TP63: variants seen among roughly 807,000 people sequenced by gnomAD.
TP63 encodes tumor protein 63.
Under a neutral mutation model 82.8 loss-of-function variants are expected in TP63, and 17 were observed. The ratio of observed to expected loss-of-function variants is 0.21; its 90% CI spans 0.14 to 0.31. TP63 has a LOEUF of 0.31. Among genes scored for constraint, TP63 ranks in the 10% least tolerant of loss-of-function variants. The probability of loss-of-function intolerance (pLI) is 1.00; values close to 1 mark genes in which losing one functional copy is unlikely to be tolerated. For missense variants in TP63, 648 were observed against 895.3 expected (o/e 0.72, Z 3.52); for synonymous variants, 330 against 321.7 (o/e 1.03, Z -0.28).
chr3:189,831,741 G>T (rs1382777132), intron 4 of TP63, among the ~76,000 whole-genome samples: 1 of 149,716 alleles, frequency 6.7e-6, no homozygotes, highest in African/African-American at 2.5e-5. Context: ...TAAGTAGTAG[G>T]TTTTGATTTA....
chr3:189,605,950 T>C, the TP63 span, among the ~76,000 whole-genome samples: 1 of 152,168 alleles, frequency 6.6e-6, no homozygotes, highest in Admixed American at 6.5e-5. Context: ...ACTGACCCAA[T>C]GTAAGACAAC....
intron 1 of TP63, among the ~76,000 whole-genome samples, chr3:189,733,472 T>A (rs1299028824): frequency 6.6e-6 from 1 of 152,240 alleles, no homozygotes; most frequent in East Asian, 1.9e-4. Context: ...TGTGTGGTGA[T>A]GTTTACCTTC....
chr3:189,755,556 A>C (rs1369532982), intron 3 of TP63, among the ~76,000 whole-genome samples: 2 of 152,246 alleles, frequency 1.3e-5, no homozygotes, highest in Non-Finnish European at 1.5e-5. Flanking sequence ...ATTATATTTT[A>C]TTGTGTACAT....
intron 3 of TP63, among the ~76,000 whole-genome samples, chr3:189,775,109 C>T (rs1426529135): frequency 2.0e-5 from 3 of 151,438 alleles, no homozygotes; most frequent in Non-Finnish European, 4.4e-5. Flanking sequence ...AGTCCCAGCT[C>T]CTTGGGAGGC....
At chr3:189,849,305 A>G (rs1715334713) in intron 4 of TP63, among the ~76,000 whole-genome samples, 1 of 152,156 alleles carries the variant, frequency 6.6e-6, no homozygotes, top group Non-Finnish European at 1.5e-5. Context: ...TGGAAAACCC[A>G]ATTTGAAGCT....
intron 10 of TP63, chr3:189,881,017 C>T: frequency 6.1e-6 from 6 of 985,242 alleles, no homozygotes; most frequent in Non-Finnish European, 7.2e-6. Context: ...GTAATATTGC[C>T]CTTACGTAGT....
At chr3:189,672,795 T>C (rs1372806433) in intron 1 of TP63, among the ~76,000 whole-genome samples, 1 of 151,912 alleles carries the variant, frequency 6.6e-6, no homozygotes, top group Admixed American at 6.6e-5. Context: ...AATTCAACCA[T>C]AGAGAATTAA....
At chr3:189,865,521 G>A (rs920749935) in intron 5 of TP63, among the ~76,000 whole-genome samples, 1 of 152,088 alleles carries the variant, frequency 6.6e-6, no homozygotes, top group African/African-American at 2.4e-5. Flanking sequence ...TCCTCAAAGA[G>A]TATTGAGGGT....
chr3:189,892,826 G>A lies in TP63; in HGVS notation c.1747-1380G>A, dbSNP rs551210077. Among the ~76,000 whole-genome samples, 5 of 152,178 alleles carry A rather than the reference G, an allele frequency of 3.3e-5. No homozygotes were observed. In the South Asian group the frequency reaches 1.0e-3, roughly 32 times the overall value. On this transcript the variant is annotated intron_variant, in intron 13 of 13. Coordinates refer to ENST00000264731, the MANE Select transcript of TP63 (RefSeq NM_003722.5). Reference sequence around the variant, plus strand: ...TAAAAAAAGCTATGCTTATTTTTTTGTGGATTACCTTCTTTATAAGGTATT... The same window carrying A: ...TAAAAAAAGCTATGCTTATTTTTTTATGGATTACCTTCTTTATAAGGTATT...
intron 1 of TP63, among the ~76,000 whole-genome samples, chr3:189,725,932 G>A (rs1223786191): frequency 6.6e-6 from 1 of 152,064 alleles, no homozygotes; most frequent in African/African-American, 2.4e-5. Context: ...GCACGCACCT[G>A]TAATCCCAGC....
intron 4 of TP63, among the ~76,000 whole-genome samples, chr3:189,839,057 A>AG (rs1229054497): frequency 2.7e-5 from 4 of 149,270 alleles, no homozygotes; most frequent in East Asian, 1.9e-4. Flanking sequence ...AAAAAAAAAA[A>AG]AAAAAAAGAA....
the TP63 span, among the ~76,000 whole-genome samples, chr3:189,612,072 A>G: frequency 2.0e-5 from 3 of 152,302 alleles, no homozygotes; most frequent in African/African-American, 4.8e-5. Context: ...GTCATCTGCA[A>G]TCAAAGATCG....
At chr3:189,846,682 C>CTTTTTT (rs1204688713) in intron 4 of TP63, among the ~76,000 whole-genome samples, 2 of 70,628 alleles carry the variant, frequency 2.8e-5, no homozygotes, top group African/African-American at 6.0e-5. Context: ...TTTCCACATT[C>CTTTTTT]TTTTTTTTTT....
intron 3 of TP63, among the ~76,000 whole-genome samples, chr3:189,787,461 C>T (rs1346083769): frequency 6.6e-6 from 1 of 152,102 alleles, no homozygotes; most frequent in African/African-American, 2.4e-5. Context: ...TTCCAACATA[C>T]TCAAAGTTCT....
At chr3:189,814,040 G>A (rs947082998) in intron 4 of TP63, among the ~76,000 whole-genome samples, 4 of 152,200 alleles carry the variant, frequency 2.6e-5, no homozygotes, top group Non-Finnish European at 4.4e-5. Context: ...GCCAGTTCCC[G>A]GGAGAGTTCC....
intron 1 of TP63, among the ~76,000 whole-genome samples, chr3:189,659,077 CTTTTA>C (rs1414292678): frequency 1.3e-5 from 2 of 152,000 alleles, no homozygotes; most frequent in Non-Finnish European, 2.9e-5. Flanking sequence ...ATTATTTCAA[CTTTTA>C]TTTTAGATTC....
the TP63 span, among the ~76,000 whole-genome samples, chr3:189,610,783 A>T: frequency 4.6e-5 from 7 of 152,138 alleles, no homozygotes; most frequent in Non-Finnish European, 1.0e-4. Context: ...GCTGCTGATA[A>T]AGACATACCC....
chr3:189,633,783 C>G (rs1227093816), intron 1 of TP63, among the ~76,000 whole-genome samples: 1 of 152,000 alleles, frequency 6.6e-6, no homozygotes, highest in Non-Finnish European at 1.5e-5. Context: ...GCTTAACCAG[C>G]AAAAACATTA....
At chr3:189,783,437 G>T (rs1724375677) in intron 3 of TP63, among the ~76,000 whole-genome samples, 1 of 151,816 alleles carries the variant, frequency 6.6e-6, no homozygotes, top group Non-Finnish European at 1.5e-5. Context: ...TCCATACATT[G>T]TGTATTTTCT....
Sources: allele counts gnomAD v4.1 joint callset (sites outside exome capture counted in the v4.1 genomes callset), GRCh38; gene constraint gnomAD v4.1.1; transcripts MANE v1.5; gene names NCBI Gene and HGNC (gene_info 2026-07-23, HGNC 2026-07-21).